The following ANO3 variants were observed in gnomAD, a reference collection of about 807,000 sequenced individuals.
The protein encoded by ANO3 is anoctamin 3.
ANO3 carries 99 observed loss-of-function variants against 144.8 expected under a neutral mutation model. The ratio of observed to expected loss-of-function variants is 0.68; its 90% CI spans 0.58 to 0.81. The LOEUF (loss-of-function observed/expected upper bound fraction) is 0.81. ANO3 is among the 30% of genes least tolerant of loss of function. ANO3 has a pLI of 0.00. For synonymous variants in ANO3, 414 were observed against 392.6 expected (o/e 1.05, Z -0.64); for missense variants, 905 against 1,202.2 (o/e 0.75, Z 3.66).
intron 1 of ANO3, among the ~76,000 whole-genome samples, chr11:26,357,939 T>G (rs948910333): frequency 6.6e-6 from 1 of 152,176 alleles, no homozygotes; most frequent in African/African-American, 2.4e-5. Flanking sequence ...CAGAATGTCC[T>G]TTTCTCCTGA....
rs557268220 is a variant in ANO3, at chr11:26,266,537, G to A, written c.155-43108G>A. ...CAACCTCTGCCTCCCGGGTTCAAGC[G>A]ATTCTCCTGCCTCAGCCGCCCGAGA... is the stretch of plus-strand genomic sequence containing the variant. On this transcript the variant is annotated intron_variant, in intron 1 of 27. Transcript: ENST00000672621. Among the ~76,000 whole-genome samples, 84 of 150,624 alleles carry A rather than the reference G, an allele frequency of 5.6e-4. No individual in the cohort carries two copies. In the South Asian group the frequency reaches 0.016, roughly 28 times the overall value.
intron 14 of ANO3, among the ~76,000 whole-genome samples, chr11:26,562,031 G>A (rs911377190): frequency 3.3e-5 from 5 of 151,824 alleles, no homozygotes; most frequent in Non-Finnish European, 5.9e-5. Flanking sequence ...GTCTTTGATG[G>A]ATAAAACAGT....
chr11:26,601,323 A>G (rs936362914), intron 17 of ANO3, among the ~76,000 whole-genome samples: 3 of 152,210 alleles, frequency 2.0e-5, no homozygotes, highest in African/African-American at 7.2e-5. Flanking sequence ...TAACTTTAAA[A>G]CAATAATCAG....
At chr11:26,313,926 A>C (rs1429187930) in intron 1 of ANO3, among the ~76,000 whole-genome samples, 1 of 151,042 alleles carries the variant, frequency 6.6e-6, no homozygotes, top group Non-Finnish European at 1.5e-5. Flanking sequence ...AAAGAAAGAG[A>C]TAGAGACAGA....
chr11:26,464,381 G>T (rs1859523634), intron 4 of ANO3, among the ~76,000 whole-genome samples: 1 of 151,784 alleles, frequency 6.6e-6, no homozygotes, highest in African/African-American at 2.4e-5. Flanking sequence ...TGTTCCAAAT[G>T]AACTGAGAGG....
chr11:26,360,524 T>G (rs1050624640), intron 1 of ANO3, among the ~76,000 whole-genome samples: 5 of 152,108 alleles, frequency 3.3e-5, no homozygotes, highest in African/African-American at 1.2e-4. Flanking sequence ...TCCGACTTAG[T>G]TTATTCCTGT....
At chr11:26,476,605 C>T (rs944519197) in intron 4 of ANO3, among the ~76,000 whole-genome samples, 5 of 151,876 alleles carry the variant, frequency 3.3e-5, no homozygotes, top group East Asian at 3.9e-4. Context: ...GGTTTTTGGA[C>T]GATCTCTGTT....
At chr11:26,572,470 T>C (rs773987915) in intron 14 of ANO3, among the ~76,000 whole-genome samples, 7 of 152,056 alleles carry the variant, frequency 4.6e-5, no homozygotes, top group Admixed American at 2.6e-4. Flanking sequence ...ATTTCTGACA[T>C]GTGCTGGGCC....
intron 1 of ANO3, among the ~76,000 whole-genome samples, chr11:26,289,897 C>T (rs1469220585): frequency 1.3e-5 from 2 of 151,564 alleles, no homozygotes; most frequent in African/African-American, 2.4e-5. Context: ...TTTGTTGTAT[C>T]TCTGCCAGGC....
intron 11 of ANO3, among the ~76,000 whole-genome samples, chr11:26,544,119 G>A (rs1405442312): frequency 6.6e-6 from 1 of 150,860 alleles, no homozygotes; most frequent in East Asian, 2.0e-4. Context: ...GGATTTGCGA[G>A]CACACATTTT....
chr11:26,319,238 A>C (rs1268891968), intron 1 of ANO3, among the ~76,000 whole-genome samples: 1 of 151,944 alleles, frequency 6.6e-6, no homozygotes, highest in Non-Finnish European at 1.5e-5. Flanking sequence ...GACTCAAGTG[A>C]TCCTCCCACC....
At chr11:26,581,593 G>A (rs1398333196) in intron 14 of ANO3, among the ~76,000 whole-genome samples, 1 of 150,818 alleles carries the variant, frequency 6.6e-6, no homozygotes, top group Non-Finnish European at 1.5e-5. Flanking sequence ...GGAGGCTGAG[G>A]CAGGAGAATT....
intron 14 of ANO3, among the ~76,000 whole-genome samples, chr11:26,593,489 AGT>A (rs1362038684): frequency 6.6e-6 from 1 of 152,174 alleles, no homozygotes; most frequent in Non-Finnish European, 1.5e-5. Flanking sequence ...AGGCCGCGCC[AGT>A]GTCCTGGGGA....
intron 18 of ANO3, among the ~76,000 whole-genome samples, chr11:26,628,191 T>C (rs1483938991): frequency 6.6e-6 from 1 of 151,982 alleles, no homozygotes; most frequent in Non-Finnish European, 1.5e-5. Flanking sequence ...ATGTTAAAGA[T>C]AAATTGGGAT....
At chr11:26,582,793 G>A (rs1055334471) in intron 14 of ANO3, among the ~76,000 whole-genome samples, 65 of 152,206 alleles carry the variant, frequency 4.3e-4, no homozygotes, top group African/African-American at 1.4e-3. Flanking sequence ...TCTATCCCTA[G>A]ATTTCAGAAG....
intron 14 of ANO3, among the ~76,000 whole-genome samples, chr11:26,579,114 G>A (rs767197525): frequency 1.3e-5 from 2 of 152,206 alleles, no homozygotes; most frequent in Non-Finnish European, 2.9e-5. Context: ...TGGCAAAACT[G>A]ACAGTTTGAT....
intron 3 of ANO3, among the ~76,000 whole-genome samples, chr11:26,452,345 G>A (rs948581374): frequency 2.0e-5 from 3 of 152,132 alleles, no homozygotes; most frequent in South Asian, 2.1e-4. Flanking sequence ...ACATTTAGAC[G>A]AATGTATAAC....
chr11:26,332,067 G>T, upstream of ANO3: 2 of 1,418,504 alleles, frequency 1.4e-6, no homozygotes, highest in Admixed American at 2.7e-5. Flanking sequence ...CCGCTAAGGG[G>T]AGCCGGACGC....
chr11:26,598,629 A>G (rs1363633944), intron 15 of ANO3, among the ~76,000 whole-genome samples, 182 bp downstream of exon 15: 1 of 152,232 alleles, frequency 6.6e-6, no homozygotes, highest in African/African-American at 2.4e-5. Context: ...GTATTTTTCA[A>G]ACCACTTCTG....
Sources: allele counts gnomAD v4.1 joint callset (sites outside exome capture counted in the v4.1 genomes callset), GRCh38; gene constraint gnomAD v4.1.1; transcripts MANE v1.5; gene names NCBI Gene and HGNC (gene_info 2026-07-23, HGNC 2026-07-21).